MCU: variants seen among roughly 807,000 people sequenced by gnomAD.
The protein encoded by MCU is mitochondrial calcium uniporter.
MCU carries 12 observed loss-of-function variants against 45.2 expected under a neutral mutation model. The ratio of observed to expected loss-of-function variants is 0.27; its 90% CI spans 0.17 to 0.43. The LOEUF (loss-of-function observed/expected upper bound fraction) is 0.43, where lower values mean the gene tolerates loss of function less well. Among genes scored for constraint, MCU ranks in the 20% least tolerant of loss-of-function variants. MCU has a pLI of 1.00. For synonymous variants in MCU, 160 were observed against 165.1 expected (o/e 0.97, Z 0.24); for missense variants, 324 against 436.7 (o/e 0.74, Z 2.30).
chr10:72,709,437 GAT>G (rs1842862832), intron 1 of MCU, among the ~76,000 whole-genome samples: 1 of 152,222 alleles, frequency 6.6e-6, no homozygotes, highest in Non-Finnish European at 1.5e-5. Flanking sequence ...ATTTGCTTTT[GAT>G]GGAATTACAT....
intron 1 of MCU, among the ~76,000 whole-genome samples, chr10:72,821,292 C>G (rs2132815867): frequency 6.7e-6 from 1 of 149,618 alleles, no homozygotes; most frequent in Admixed American, 6.7e-5. Flanking sequence ...TCAACATTTT[C>G]TTAATGGAAT....
intron 1 of MCU, among the ~76,000 whole-genome samples, chr10:72,733,024 A>G (rs1023151120): frequency 1.3e-5 from 2 of 152,222 alleles, no homozygotes; most frequent in African/African-American, 4.8e-5. Context: ...AAATGTAGAG[A>G]GGGTTGGAAA....
At chr10:72,698,654 G>C (rs926636473) in intron 1 of MCU, among the ~76,000 whole-genome samples, 1 of 152,110 alleles carries the variant, frequency 6.6e-6, no homozygotes, top group Non-Finnish European at 1.5e-5. Flanking sequence ...AAAGGCACGC[G>C]CCACCACGCC....
chr10:72,710,006 C>T (rs932370708), intron 1 of MCU, among the ~76,000 whole-genome samples: 2 of 152,144 alleles, frequency 1.3e-5, no homozygotes, highest in Admixed American at 6.5e-5. Context: ...GATGAAGTCT[C>T]GATCTGTCGC....
At chr10:72,874,555 A>C (rs978787565) in intron 6 of MCU, among the ~76,000 whole-genome samples, 1 of 152,208 alleles carries the variant, frequency 6.6e-6, no homozygotes, top group East Asian at 1.9e-4. Flanking sequence ...AAATGATAGC[A>C]CAAGAATGTT....
Position 72,703,995 on chromosome 10 carries a change from A to G in MCU, c.150+11694A>G, listed in dbSNP as rs143253065. ...TATATAGTTTCCATTCTGTTTTGTTAAAGAAATATTAGTTGAGACCTAAAT... is the reference window on the plus strand; with the variant it reads ...TATATAGTTTCCATTCTGTTTTGTTGAAGAAATATTAGTTGAGACCTAAAT... On this transcript the variant is annotated intron_variant, in intron 1 of 7. Transcript: ENST00000373053. 1.5e-3 allele frequency among the ~76,000 whole-genome samples: 222 copies of G among 152,358 alleles called. 2 individuals are homozygous for G. Among genetic ancestry groups the G allele is most frequent in the African/African-American group, 4.9e-3 (203 of 41,584 alleles).
rs994015016 is a variant in MCU at position 72,729,650 on chromosome 10, T to C, written c.150+37349T>C. ...ACTCAGCTCCTCACAGTAGAACAGATAGATTAATACTTTCATACTGTAGAG... is the reference window on the plus strand; with the variant it reads ...ACTCAGCTCCTCACAGTAGAACAGACAGATTAATACTTTCATACTGTAGAG... On this transcript the variant is annotated intron_variant, in intron 1 of 7. Coordinates refer to ENST00000373053, the MANE Select transcript of MCU (RefSeq NM_138357.3). Among the ~76,000 whole-genome samples, 5 of 152,214 alleles carry C rather than the reference T, an allele frequency of 3.3e-5. No individual in the cohort carries two copies. In the East Asian group the frequency reaches 7.7e-4, roughly 23 times the overall value.
intron 1 of MCU, among the ~76,000 whole-genome samples, chr10:72,741,442 TA>T (rs1843330758): frequency 6.6e-6 from 1 of 152,154 alleles, no homozygotes; most frequent in South Asian, 2.1e-4. Context: ...CAGATTTCAA[TA>T]AGCATAAGCA....
At chr10:72,795,064 A>T (rs1178336703) in intron 1 of MCU, among the ~76,000 whole-genome samples, 1 of 152,008 alleles carries the variant, frequency 6.6e-6, no homozygotes, top group Admixed American at 6.6e-5. Context: ...AATTTATACC[A>T]CCTCTCTTCC....
intron 1 of MCU, among the ~76,000 whole-genome samples, chr10:72,822,591 A>T (rs1421522165): frequency 1.3e-5 from 2 of 152,244 alleles, no homozygotes; most frequent in Non-Finnish European, 2.9e-5. Flanking sequence ...AGCATATGAA[A>T]AGATGCTCAA....
chr10:72,765,613 G>A (rs946998855), intron 1 of MCU, among the ~76,000 whole-genome samples: 2 of 151,776 alleles, frequency 1.3e-5, no homozygotes, highest in Admixed American at 6.6e-5. Context: ...GGATAACATA[G>A]CAAGACTCCA....
chr10:72,723,646 A>AAT (rs1334414043), intron 1 of MCU, among the ~76,000 whole-genome samples: 4 of 152,252 alleles, frequency 2.6e-5, no homozygotes, highest in African/African-American at 9.6e-5. Flanking sequence ...TCAGCATTAT[A>AAT]CCAAATATTT....
intron 1 of MCU, among the ~76,000 whole-genome samples, chr10:72,732,877 G>C (rs1843194447): frequency 6.6e-6 from 1 of 152,214 alleles, no homozygotes; most frequent in South Asian, 2.1e-4. Flanking sequence ...TTGATTAAAT[G>C]ATAGGCAAGA....
At chr10:72,808,681 G>A (rs1408949154) in intron 1 of MCU, among the ~76,000 whole-genome samples, 1 of 152,178 alleles carries the variant, frequency 6.6e-6, no homozygotes, top group Non-Finnish European at 1.5e-5. Context: ...TCACATTTCT[G>A]CAGCCTGTAC....
intron 1 of MCU, among the ~76,000 whole-genome samples, chr10:72,787,468 C>G (rs558223586): frequency 6.6e-6 from 1 of 152,134 alleles, no homozygotes; most frequent in African/African-American, 2.4e-5. Context: ...GGGGTTTCAC[C>G]ATGTTGGCCA....
intron 1 of MCU, among the ~76,000 whole-genome samples, chr10:72,760,938 CAT>C (rs1028595520): frequency 2.0e-5 from 3 of 152,024 alleles, no homozygotes; most frequent in Non-Finnish European, 2.9e-5. Context: ...GAAATTCAAA[CAT>C]AGTCTCTCAG....
At chr10:72,694,205 A>G (rs576434241) in intron 1 of MCU, among the ~76,000 whole-genome samples, 3 of 152,254 alleles carry the variant, frequency 2.0e-5, no homozygotes, top group Non-Finnish European at 4.4e-5. Flanking sequence ...CTGATTATTT[A>G]AAGTGTATAA....
At chr10:72,856,182 T>A (rs953883656) in intron 2 of MCU, among the ~76,000 whole-genome samples, 7 of 152,182 alleles carry the variant, frequency 4.6e-5, no homozygotes, top group African/African-American at 1.4e-4. Context: ...TTTATTTATA[T>A]AAAAATCTAT....
At chr10:72,751,906 C>T (rs1412617418) in intron 1 of MCU, among the ~76,000 whole-genome samples, 7 of 151,630 alleles carry the variant, frequency 4.6e-5, no homozygotes, top group Middle Eastern at 6.8e-3. Flanking sequence ...GTGGTGCCAT[C>T]TCGGCTCACT....
Sources: gnomAD v4.1 joint callset for allele counts (sites outside exome capture counted in the v4.1 genomes callset) on GRCh38, gnomAD v4.1.1 for gene constraint, MANE v1.5 for transcripts, NCBI Gene and HGNC (gene_info 2026-07-23, HGNC 2026-07-21) for gene names.